The following ANAPC1 variants were observed in gnomAD, a reference collection of about 807,000 sequenced individuals.
ANAPC1 encodes the protein anaphase promoting complex subunit 1.
In ANAPC1, 36 loss-of-function variants were observed where a neutral mutation model predicts 208.0. The ratio of observed to expected loss-of-function variants is 0.17; its 90% CI spans 0.13 to 0.23. The LOEUF (loss-of-function observed/expected upper bound fraction) is 0.23, where lower values mean the gene tolerates loss of function less well. Ranked by LOEUF, ANAPC1 falls within the 10% of genes least tolerant of loss-of-function variation. ANAPC1 has a pLI of 1.00. For synonymous variants in ANAPC1, 378 were observed against 695.2 expected, an observed-to-expected ratio of 0.54 and a Z score of 7.18; for missense variants, 942 against 2,011.6, an observed-to-expected ratio of 0.47 and a Z score of 10.17.
intron 4 of ANAPC1, 79 bp from the exon 5 acceptor site, chr2:111,873,487 T>C: frequency 6.5e-7 from 1 of 1,532,308 alleles, no homozygotes; most frequent in African/African-American, 1.4e-5. Context: ...AATTATTTAA[T>C]GCACAATATA....
chr2:111,775,243 C>G (rs564685945), intron 46 of ANAPC1, among the ~76,000 whole-genome samples: 1 of 152,092 alleles, frequency 6.6e-6, no homozygotes, highest in Admixed American at 6.5e-5. Flanking sequence ...TCCACCCTGG[C>G]GACAGAGCGA....
chr2:111,845,085 C>T (rs1323140729), intron 16 of ANAPC1, among the ~76,000 whole-genome samples: 2 of 152,202 alleles, frequency 1.3e-5, no homozygotes. Flanking sequence ...TGGCCTCAAG[C>T]AACCCCCTCA....
chr2:111,794,652 T>C (rs1678064456), intron 35 of ANAPC1, among the ~76,000 whole-genome samples, 166 bp downstream of exon 35: 1 of 152,226 alleles, frequency 6.6e-6, no homozygotes, highest in Non-Finnish European at 1.5e-5. Context: ...AGCTCTATAC[T>C]TCAGAGAGCT....
chr2:111,826,383 G>A (rs1320251227), intron 21 of ANAPC1, among the ~76,000 whole-genome samples: 1 of 152,112 alleles, frequency 6.6e-6, no homozygotes, highest in East Asian at 1.9e-4. Context: ...CCCAGCACTG[G>A]AAACAATTCA....
At chr2:111,820,035 C>T in intron 26 of ANAPC1, among the ~76,000 whole-genome samples, 1 of 152,114 alleles carries the variant, frequency 6.6e-6, no homozygotes, top group East Asian at 1.9e-4. Context: ...AATATTATAT[C>T]CCCTGAATAT....
chr2:111,827,273 T>C (rs1679889274), intron 21 of ANAPC1, among the ~76,000 whole-genome samples: 2 of 151,852 alleles, frequency 1.3e-5, no homozygotes, highest in African/African-American at 4.8e-5. Flanking sequence ...CTCAAAAGAG[T>C]TAAAATATTC....
chr2:111,871,667 G>C (rs1041434776), intron 6 of ANAPC1, among the ~76,000 whole-genome samples: 1 of 151,844 alleles, frequency 6.6e-6, no homozygotes, highest in Non-Finnish European at 1.5e-5. Flanking sequence ...CAGGAGAATC[G>C]CTTGAACCTG....
At position 111,846,847 on chromosome 2, in the gene ANAPC1, GGTGTGAGCCACCAT is replaced by G. The variant is rs530191971; in HGVS notation, c.1852+277_1852+290del. 4.1e-3 allele frequency among the ~76,000 whole-genome samples: 618 copies of G among 152,054 alleles called. 1 individual carries two copies. Among genetic ancestry groups the G allele is most frequent in the African/African-American group, 0.014 (598 of 41,482 alleles). On this transcript the variant is annotated intron_variant, in intron 16 of 47. Transcript: ENST00000341068. The stretch of plus-strand genomic sequence containing the variant: ...AGTCTCACAAAGTGTTGGGATTACA[GGTGTGAGCCACCAT>G]GCCCAGCAGGCATGTCCATATATTA...
intron 34 of ANAPC1, among the ~76,000 whole-genome samples, chr2:111,796,150 G>A (rs115090027): frequency 0.16 from 24,041 of 151,822 alleles, 1,966 homozygotes; most frequent in Admixed American, 0.19. Flanking sequence ...ACTTGAGCCC[G>A]CTAAGTGGAG....
intron 1 of ANAPC1, among the ~76,000 whole-genome samples, chr2:111,881,328 G>A (rs577497893): frequency 1.1e-4 from 17 of 152,190 alleles, no homozygotes; most frequent in African/African-American, 3.9e-4. Flanking sequence ...ATTCATCAGA[G>A]GTTGAACTGC....
intron 27 of ANAPC1, among the ~76,000 whole-genome samples, chr2:111,817,244 A>AT (rs1310962153): frequency 7.1e-6 from 1 of 141,460 alleles, no homozygotes; most frequent in African/African-American, 2.6e-5. Flanking sequence ...AATTCAATTA[A>AT]ATGTATTCAG....
rs963985517 is a variant in ANAPC1, at chr2:111,853,965, C to G, written c.1515+2649G>C. 3.3e-5 allele frequency among the ~76,000 whole-genome samples: 5 copies of G among 152,164 alleles called. 1 individual carries two copies. Among genetic ancestry groups the G allele is most frequent in the African/African-American group, 1.2e-4 (5 of 41,426 alleles). ...TCTCCTGACCTCATGATCCACCTGCCTCGGCCTCCCAAAGTGCTAGGATTA... is the reference window on the plus strand; with the variant it reads ...TCTCCTGACCTCATGATCCACCTGCGTCGGCCTCCCAAAGTGCTAGGATTA... On this transcript the variant is annotated intron_variant, in intron 13 of 47. Transcript: ENST00000341068.
At chr2:111,794,470 A>T (rs559230069) in intron 35 of ANAPC1, 147 bp from the exon 36 acceptor site, 5 of 699,824 alleles carry the variant, frequency 7.1e-6, no homozygotes, top group African/African-American at 3.7e-5. Context: ...ATTTCTATGT[A>T]TTTTTTTTTC....
At chr2:111,858,270 AT>A in intron 11 of ANAPC1, 35 bp downstream of exon 11, 1 of 1,536,232 alleles carries the variant, frequency 6.5e-7, no homozygotes, top group South Asian at 1.2e-5. Context: ...GTGCTAAGTT[AT>A]TTATACAGAA....
intron 46 of ANAPC1, among the ~76,000 whole-genome samples, chr2:111,773,856 C>T (rs1413092390): frequency 6.6e-6 from 1 of 151,954 alleles, no homozygotes; most frequent in Non-Finnish European, 1.5e-5. Context: ...GCAGGTCACA[C>T]AGGTCCTGGT....
intron 21 of ANAPC1, among the ~76,000 whole-genome samples, chr2:111,826,720 G>C (rs1679857903): frequency 1.3e-5 from 2 of 151,038 alleles, no homozygotes; most frequent in South Asian, 4.2e-4. Flanking sequence ...GAGCGCAGTG[G>C]CACAATCTCG....
At position 111,839,972 on chromosome 2, in the gene ANAPC1, T is replaced by G. The variant is rs1043875752; in HGVS notation, c.2041-1460A>C. Among the ~76,000 whole-genome samples the G allele has an allele frequency of 2.0e-5, 3 of 152,128 alleles. No homozygotes were observed. In the South Asian group the frequency reaches 6.2e-4, roughly 32 times the overall value. On this transcript the variant is annotated intron_variant, in intron 17 of 47. Transcript: ENST00000341068. ...TCTATCATAACACATTTATCAAATA[T>G]TATTTATTTGTTTCCCCCAAGACAG...
chr2:111,795,208 C>T (rs1213747037), intron 34 of ANAPC1, among the ~76,000 whole-genome samples: 22 of 152,192 alleles, frequency 1.4e-4, no homozygotes, highest in Non-Finnish European at 2.2e-4. Context: ...ATGGTGAAAC[C>T]CCATCTCTAT....
chr2:111,856,506 A>G, intron 13 of ANAPC1, 108 bp downstream of exon 13: 2 of 1,106,820 alleles, frequency 1.8e-6, no homozygotes, highest in Non-Finnish European at 2.6e-6. Context: ...CAAATTGTGC[A>G]GACAGGAACA....
Sources: allele counts gnomAD v4.1 joint callset (sites outside exome capture counted in the v4.1 genomes callset), GRCh38; gene constraint gnomAD v4.1.1; transcripts MANE v1.5; gene names NCBI Gene and HGNC (gene_info 2026-07-23, HGNC 2026-07-21).